KATNAL2: variants seen among roughly 807,000 people sequenced by gnomAD.
KATNAL2 encodes katanin p60 ATPase-containing subunit A-like 2.
Under a neutral mutation model 76.3 loss-of-function variants are expected in KATNAL2, and 52 were observed. The ratio of observed to expected loss-of-function variants is 0.68; its 90% CI spans 0.55 to 0.86. The LOEUF (loss-of-function observed/expected upper bound fraction) is 0.86. Ranked by LOEUF, KATNAL2 falls within the 40% of genes least tolerant of loss-of-function variation. KATNAL2 has a pLI of 0.00. For synonymous variants in KATNAL2, 243 were observed against 244.2 expected (o/e 1.00, Z 0.05); for missense variants, 660 against 668.9 (o/e 0.99, Z 0.15).
intron 3 of KATNAL2, among the ~76,000 whole-genome samples, chr18:46,953,395 T>G (rs970980632): frequency 6.6e-6 from 1 of 152,154 alleles, no homozygotes; most frequent in Non-Finnish European, 1.5e-5. Context: ...ATGCCAACAC[T>G]TTGGGAGGCC....
At chr18:47,092,351 T>A (rs938993361) in intron 15 of KATNAL2, among the ~76,000 whole-genome samples, 1 of 151,872 alleles carries the variant, frequency 6.6e-6, no homozygotes, top group African/African-American at 2.4e-5. Flanking sequence ...ATACAAAAAA[T>A]AGCCCAGCAT....
chr18:47,079,973 ACAGCTCC>A (rs1398238390), intron 15 of KATNAL2, among the ~76,000 whole-genome samples: 2 of 152,094 alleles, frequency 1.3e-5, no homozygotes, highest in African/African-American at 4.8e-5. Flanking sequence ...CCTTGCCTGT[ACAGCTCC>A]CATCAATGGT....
intron 3 of KATNAL2, chr18:47,034,620 G>A: frequency 6.2e-7 from 1 of 1,614,118 alleles, no homozygotes; most frequent in Non-Finnish European, 8.5e-7. Flanking sequence ...CTTTCCCCTG[G>A]GGTTGGCCCT....
intron 3 of KATNAL2, chr18:47,034,649 GA>G: frequency 6.2e-7 from 1 of 1,613,914 alleles, no homozygotes; most frequent in Non-Finnish European, 8.5e-7. Context: ...GGACACAGCA[GA>G]GGCCCGCCCT....
intron 15 of KATNAL2, among the ~76,000 whole-genome samples, chr18:47,080,606 C>T (rs2062461791): frequency 6.6e-6 from 1 of 152,114 alleles, no homozygotes; most frequent in African/African-American, 2.4e-5. Flanking sequence ...AGGAACAGCC[C>T]AACTGTTTTA....
At chr18:47,065,024 C>T (rs1288700106) in intron 10 of KATNAL2, among the ~76,000 whole-genome samples, 2 of 152,206 alleles carry the variant, frequency 1.3e-5, no homozygotes, top group African/African-American at 2.4e-5. Flanking sequence ...TAAGAAAGGA[C>T]GGTAATAAGA....
intron 3 of KATNAL2, among the ~76,000 whole-genome samples, chr18:46,961,335 T>G (rs1262283673): frequency 6.6e-6 from 1 of 152,228 alleles, no homozygotes; most frequent in African/African-American, 2.4e-5. Flanking sequence ...CCCACCTCAT[T>G]TCCCCTGTAG....
chr18:47,076,950 C>T (rs2062263976), intron 14 of KATNAL2, among the ~76,000 whole-genome samples: 1 of 151,822 alleles, frequency 6.6e-6, no homozygotes, highest in Admixed American at 6.6e-5. Flanking sequence ...ACTCAGGAGG[C>T]TGAGGGTGTG....
chr18:47,096,655 A>T (rs145126590), intron 15 of KATNAL2, among the ~76,000 whole-genome samples: 2 of 152,356 alleles, frequency 1.3e-5, no homozygotes, highest in Non-Finnish European at 2.9e-5. Flanking sequence ...TTAGGCTAAC[A>T]TACAGGAATT....
At chr18:47,059,917 T>C (rs2061582109) in intron 8 of KATNAL2, among the ~76,000 whole-genome samples, 1 of 152,128 alleles carries the variant, frequency 6.6e-6, no homozygotes, top group African/African-American at 2.4e-5. Flanking sequence ...GAAGAGATTG[T>C]CTCTAGTGTT....
intron 3 of KATNAL2, chr18:47,033,789 G>A (rs758467557): frequency 3.7e-5 from 59 of 1,614,116 alleles, no homozygotes; most frequent in Non-Finnish European, 4.9e-5. Flanking sequence ...TTGGTGAAGA[G>A]AGTGCTTCTG....
intron 9 of KATNAL2, 24 bp from the exon 10 acceptor site, chr18:47,063,260 G>A (rs2061690663): frequency 6.2e-7 from 1 of 1,609,436 alleles, no homozygotes; most frequent in African/African-American, 1.3e-5. Context: ...ATTGTAATGT[G>A]AGCCTTTCCG....
At chr18:46,961,809 T>A (rs1196720113) in intron 3 of KATNAL2, among the ~76,000 whole-genome samples, 3 of 152,192 alleles carry the variant, frequency 2.0e-5, no homozygotes, top group African/African-American at 7.2e-5. Context: ...TGATTTGGGC[T>A]TTCTGCTAGG....
chr18:46,938,544 T>A (rs2059155829), intron 1 of KATNAL2, among the ~76,000 whole-genome samples: 1 of 152,216 alleles, frequency 6.6e-6, no homozygotes, highest in Non-Finnish European at 1.5e-5. Context: ...AAACACAAAA[T>A]ATATCCTAAC....
chr18:47,077,356 A>C lies in KATNAL2; in HGVS notation c.1106A>C (p.Glu369Ala). Residue 369 changes from glutamate to alanine, a missense_variant, in exon 15 of 18, where the codon GAA becomes GCA. Transcript: ENST00000683218. ...MSQRGTASGG[E>A]HEGSLRMKTE... ...CACGTCTTGTCTCTCTGTAGGGGAG[A>C]ACATGAAGGAAGCCTGCGGATGAAG... 1 of 1,612,786 alleles carries C rather than the reference A, an allele frequency of 6.2e-7. No homozygotes were observed. Among genetic ancestry groups the C allele is most frequent in the Non-Finnish European group, 8.5e-7 (1 of 1,178,846 alleles).
intron 3 of KATNAL2, among the ~76,000 whole-genome samples, chr18:47,044,288 G>C (rs2061075050): frequency 6.6e-6 from 1 of 152,162 alleles, no homozygotes; most frequent in Non-Finnish European, 1.5e-5. Flanking sequence ...CTGGGCCACA[G>C]ACAAAAAAGT....
intron 4 of KATNAL2, among the ~76,000 whole-genome samples, chr18:47,052,612 A>C (rs1488317588): frequency 1.3e-5 from 2 of 152,246 alleles, no homozygotes; most frequent in Non-Finnish European, 2.9e-5. Context: ...ACTTTTAAGC[A>C]CTTCCAAAAA....
intron 3 of KATNAL2, 39 bp downstream of exon 3, chr18:46,946,962 C>T (rs1350711423): frequency 4.7e-6 from 6 of 1,284,386 alleles, no homozygotes; most frequent in East Asian, 2.5e-5. Context: ...ATACCAAGAA[C>T]CCCTCTCCTA....
chr18:46,947,210 G>T (rs915421600), intron 3 of KATNAL2, among the ~76,000 whole-genome samples: 6 of 152,196 alleles, frequency 3.9e-5, no homozygotes, highest in African/African-American at 1.4e-4. Flanking sequence ...TGACGGGGAG[G>T]TGTTATTAGA....
Sources: allele counts gnomAD v4.1 joint callset (sites outside exome capture counted in the v4.1 genomes callset), GRCh38; gene constraint gnomAD v4.1.1; transcripts MANE v1.5; gene names NCBI Gene and HGNC (gene_info 2026-07-23, HGNC 2026-07-21).